Variants in RYK observed in about 807,000 individuals in gnomAD.
RYK encodes inactive tyrosine-protein kinase RYK.
In RYK, 21 loss-of-function variants were observed where a neutral mutation model predicts 70.2. The ratio of observed to expected loss-of-function variants is 0.30; its 90% CI spans 0.21 to 0.43. The LOEUF is 0.43. RYK is among the 20% of genes least tolerant of loss of function. RYK has a pLI of 1.00. For missense variants in RYK, 604 were observed against 753.3 expected, an observed-to-expected ratio of 0.80 and a Z score of 2.32; for synonymous variants, 267 against 278.0, an observed-to-expected ratio of 0.96 and a Z score of 0.39.
intron 6 of RYK, among the ~76,000 whole-genome samples, chr3:134,196,580 AAAACACACACACACACACAC>A (rs1431111432): frequency 7.9e-6 from 1 of 127,238 alleles, no homozygotes. Context: ...TCTCTGAAAC[AAAACACACACACACACACAC>A]ACACACACAC....
Position 134,221,196 on chromosome 3 carries a change from C to CTTT in RYK, c.354+1219_354+1221dup, listed in dbSNP as rs71139519. Among the ~76,000 whole-genome samples, 478 of 78,592 alleles carry CTTT rather than the reference C, an allele frequency of 6.1e-3. 67 individuals carry two copies. The highest frequency in any genetic ancestry group is 0.031 in the Middle Eastern group (3 of 98). The allele number at this position is 78,592 out of a possible 152,430, so 51.6% of individuals were successfully genotyped here. A position where few individuals can be genotyped will look rare whatever the true frequency, so the allele number is the denominator to read the frequency against. On this transcript the variant is annotated intron_variant, in intron 2 of 14. Coordinates refer to ENST00000623711, the MANE Select transcript of RYK (RefSeq NM_002958.4). ...CTACAAAGTCTTAACAGTTCTTTTT[C>CTTT]TTTTTTTTTTTTTTTTTTTTTTTTT...
chr3:134,212,735 G>A (rs1218681153), intron 2 of RYK, among the ~76,000 whole-genome samples: 1 of 152,198 alleles, frequency 6.6e-6, no homozygotes, highest in Admixed American at 6.5e-5. Flanking sequence ...AAGAGGGAAA[G>A]AGTATCATCC....
intron 6 of RYK, among the ~76,000 whole-genome samples, chr3:134,195,910 C>A (rs1576515287): frequency 6.6e-6 from 1 of 151,788 alleles, no homozygotes; most frequent in East Asian, 1.9e-4. Flanking sequence ...TACGCCACTG[C>A]ACTCCAGCCT....
chr3:134,184,923 A>G (rs1576509404), intron 9 of RYK, among the ~76,000 whole-genome samples: 1 of 150,980 alleles, frequency 6.6e-6, no homozygotes, highest in East Asian at 1.9e-4. Flanking sequence ...AATAATTTGT[A>G]AAGCTCAGGC....
intron 2 of RYK, among the ~76,000 whole-genome samples, chr3:134,221,110 GA>G (rs1410625372): frequency 1.3e-5 from 2 of 148,612 alleles, no homozygotes; most frequent in African/African-American, 4.9e-5. Context: ...TTTAAAAAGG[GA>G]AAAAAGGGGA....
intron 6 of RYK, among the ~76,000 whole-genome samples, chr3:134,198,024 C>A (rs970473951): frequency 2.0e-5 from 3 of 152,140 alleles, no homozygotes; most frequent in African/African-American, 7.2e-5. Flanking sequence ...TTTTTGAATC[C>A]AAGACTTACT....
rs564509399 is a variant in RYK, at chr3:134,209,754, A to T, written c.530T>A (p.Val177Glu). The T allele has an allele frequency of 2.4e-4, 369 of 1,508,468 alleles. 3 individuals carry two copies. The South Asian group carries it at 4.7e-3, about 19-fold the overall frequency. 93.4% of individuals were successfully genotyped at this position (1,508,468 alleles called of 1,614,324 possible). A position where few individuals can be genotyped will look rare whatever the true frequency, so the allele number is the denominator to read the frequency against. Residue 177 changes from valine to glutamate, a missense_variant, in exon 4 of 15, where the codon GTA (valine) becomes GAA (glutamate). This residue lies in a region of RYK where 466 missense variants were observed against 535.9 expected (regional missense o/e 0.87). Coordinates refer to ENST00000623711, the MANE Select transcript of RYK (RefSeq NM_002958.4). Reference protein sequence around the residue: ...VMILMQLNLTVNSSKNFTVLN... With the variant: ...VMILMQLNLTENSSKNFTVLN... ...GACGGTAAAATTTTTTGAAGAATTT[A>T]CTGTCAAGTTGAGCTGCATTAGTAT...
intron 5 of RYK, among the ~76,000 whole-genome samples, chr3:134,204,986 A>C (rs2014170814): frequency 6.6e-6 from 1 of 152,244 alleles, no homozygotes; most frequent in African/African-American, 2.4e-5. Context: ...AGAGTGTCAC[A>C]GTGAAGATGA....
intron 4 of RYK, among the ~76,000 whole-genome samples, chr3:134,207,965 G>T (rs2107677847): frequency 6.6e-6 from 1 of 152,210 alleles, no homozygotes; most frequent in East Asian, 1.9e-4. Flanking sequence ...GACAGTTTTT[G>T]AAATATAGTA....
At chr3:134,243,996 T>A (rs1395760719) in intron 1 of RYK, among the ~76,000 whole-genome samples, 2 of 152,244 alleles carry the variant, frequency 1.3e-5, no homozygotes, top group South Asian at 2.1e-4. Context: ...CTGGACTGAT[T>A]TGGGACACAG....
At chr3:134,233,707 C>A (rs1359130442) in intron 1 of RYK, among the ~76,000 whole-genome samples, 2 of 152,124 alleles carry the variant, frequency 1.3e-5, no homozygotes, top group Non-Finnish European at 2.9e-5. Context: ...GTTCATCTCT[C>A]TAACATATTA....
chr3:134,198,361 T>C (rs1162565163), intron 6 of RYK, among the ~76,000 whole-genome samples: 3 of 152,246 alleles, frequency 2.0e-5, no homozygotes, highest in Admixed American at 6.5e-5. Context: ...CATCCATTCA[T>C]TCCACAAATA....
At chr3:134,231,233 AAGTCATACATGC>A (rs1230292301) in intron 1 of RYK, among the ~76,000 whole-genome samples, 4 of 151,210 alleles carry the variant, frequency 2.6e-5, no homozygotes, top group Non-Finnish European at 4.4e-5. Flanking sequence ...GCACGTCCTC[AAGTCATACATGC>A]AGTCATTTGA....
chr3:134,244,471 A>T (rs954424938), intron 1 of RYK, among the ~76,000 whole-genome samples: 1 of 152,192 alleles, frequency 6.6e-6, no homozygotes, highest in African/African-American at 2.4e-5. Context: ...CTCAGGCAGG[A>T]CTGAGTCAAG....
chr3:134,195,684 C>T (rs11929232), intron 6 of RYK, among the ~76,000 whole-genome samples: 1,835 of 152,290 alleles, frequency 0.012, 30 homozygotes, highest in African/African-American at 0.041. Context: ...CGGTGGCTCA[C>T]GCCTGTAATC....
At chr3:134,171,985 T>G (rs2012928810) in intron 13 of RYK, among the ~76,000 whole-genome samples, 1 of 152,140 alleles carries the variant, frequency 6.6e-6, no homozygotes, top group African/African-American at 2.4e-5. Flanking sequence ...AAGAGAATAA[T>G]AAAAAGATTT....
At chr3:134,222,961 A>G (rs2014785356) in intron 1 of RYK, among the ~76,000 whole-genome samples, 1 of 152,220 alleles carries the variant, frequency 6.6e-6, no homozygotes, top group Non-Finnish European at 1.5e-5. Context: ...CGGATAAAAC[A>G]TAAGCCTGAG....
At chr3:134,203,471 G>A (rs1301889981) in intron 5 of RYK, among the ~76,000 whole-genome samples, 25 of 152,040 alleles carry the variant, frequency 1.6e-4, no homozygotes. Context: ...TGGGACAAAT[G>A]GTATAATTTC....
At chr3:134,224,037 T>C (rs1324660478) in intron 1 of RYK, among the ~76,000 whole-genome samples, 1 of 152,236 alleles carries the variant, frequency 6.6e-6, no homozygotes, top group Non-Finnish European at 1.5e-5. Context: ...GCTGAACTTG[T>C]AGGGTCCAAC....
Sources: gnomAD v4.1 joint callset for allele counts (sites outside exome capture counted in the v4.1 genomes callset) on GRCh38, gnomAD v4.1.1 for gene constraint, gnomAD v4.1.1 regional missense constraint, MANE v1.5 for transcripts, NCBI Gene and HGNC (gene_info 2026-07-23, HGNC 2026-07-21) for gene names.